The following EDNRA variants were observed in gnomAD, a reference collection of about 807,000 sequenced individuals.
The protein encoded by EDNRA is endothelin-1 receptor.
In EDNRA, 11 loss-of-function variants were observed where a neutral mutation model predicts 41.4. The observed-to-expected ratio is 0.27, with a 90% confidence interval of 0.17 to 0.44. The LOEUF is 0.44. Among genes scored for constraint, EDNRA ranks in the 20% least tolerant of loss-of-function variants. The pLI is 1.00. For synonymous variants in EDNRA, 172 were observed against 183.0 expected (o/e 0.94, Z 0.49); for missense variants, 294 against 531.0 (o/e 0.55, Z 4.39).
intron 7 of EDNRA, among the ~76,000 whole-genome samples, chr4:147,541,067 C>CA (rs10551607): frequency 0.011 from 515 of 46,040 alleles, 48 homozygotes; most frequent in East Asian, 0.055. Context: ...GACTCAGTCT[C>CA]AAAAAAAAAA....
chr4:147,521,690 C>A (rs1014282078), intron 3 of EDNRA, among the ~76,000 whole-genome samples: 2 of 152,146 alleles, frequency 1.3e-5, no homozygotes, highest in African/African-American at 4.8e-5. Flanking sequence ...TTCCTGTATT[C>A]ATCAAGCTGC....
chr4:147,535,553 T>G (rs539425976), intron 4 of EDNRA, among the ~76,000 whole-genome samples: 2 of 152,344 alleles, frequency 1.3e-5, no homozygotes, highest in East Asian at 3.9e-4. Context: ...TTTATGAGCT[T>G]TAGAAGGACA....
chr4:147,504,943 G>A (rs1484272714), intron 2 of EDNRA, among the ~76,000 whole-genome samples: 1 of 98,940 alleles, frequency 1.0e-5, no homozygotes, highest in African/African-American at 5.1e-5. Flanking sequence ...GGGCAACAAA[G>A]TGGGACCCTG....
chr4:147,526,012 C>T (rs1730528693), intron 3 of EDNRA, among the ~76,000 whole-genome samples: 1 of 152,254 alleles, frequency 6.6e-6, no homozygotes, highest in East Asian at 1.9e-4. Flanking sequence ...TCCTTATTTT[C>T]CTGGTGTTAT....
At chr4:147,536,058 G>A in intron 5 of EDNRA, 29 bp downstream of exon 5, 2 of 1,613,004 alleles carry the variant, frequency 1.2e-6, no homozygotes, top group Non-Finnish European at 1.7e-6. Context: ...TGAAAATCTG[G>A]CCAGGACTGG....
At chr4:147,502,832 G>A (rs1729560860) in intron 2 of EDNRA, among the ~76,000 whole-genome samples, 1 of 143,402 alleles carries the variant, frequency 7.0e-6, no homozygotes, top group African/African-American at 2.8e-5. Context: ...AGAATGGGAG[G>A]TATCTCTTCA....
intron 2 of EDNRA, among the ~76,000 whole-genome samples, chr4:147,505,327 A>ATTTTTTTTTTTTTTTTTTTTT (rs869077171): frequency 1.1e-4 from 9 of 79,696 alleles, no homozygotes; most frequent in African/African-American, 1.6e-4. Context: ...TTCTTTTTTC[A>ATTTTTTTTTTTTTTTTTTTTT]TTTTTTTTTT....
intron 2 of EDNRA, among the ~76,000 whole-genome samples, chr4:147,513,071 A>G (rs1017387161): frequency 6.6e-6 from 1 of 152,200 alleles, no homozygotes; most frequent in Non-Finnish European, 1.5e-5. Flanking sequence ...GAGCATGCCA[A>G]TGTCAAAAGA....
Position 147,486,347 on chromosome 4 carries a change from T to C in EDNRA, c.420+246T>C, listed in dbSNP as rs529731322. Among the ~76,000 whole-genome samples the C allele has an allele frequency of 6.6e-6, 1 of 152,334 alleles. No individual in the cohort carries two copies. Among genetic ancestry groups the C allele is most frequent in the East Asian group, 1.9e-4 (1 of 5,180 alleles). On this transcript the variant is annotated intron_variant, in intron 2 of 7. Transcript: ENST00000651419. This position sits in a 1 kb window ranked among gnomAD's most constrained non-coding sequence, Gnocchi z 4.3. ...GGATGATGGTTCAAAATCATGGTGT[T>C]TCATGACTTGGATTCTCATGCCACC...
chr4:147,533,408 C>G (rs1394570038), intron 4 of EDNRA, among the ~76,000 whole-genome samples: 1 of 152,042 alleles, frequency 6.6e-6, no homozygotes, highest in Non-Finnish European at 1.5e-5. Context: ...TACATGTGGA[C>G]TGAGGAGGAA....
intron 1 of EDNRA, among the ~76,000 whole-genome samples, chr4:147,482,423 A>G (rs1165485986): frequency 6.6e-6 from 1 of 152,182 alleles, no homozygotes; most frequent in Non-Finnish European, 1.5e-5. Context: ...TCTATAGACC[A>G]TGTCCTTCAG....
Position 147,486,901 on chromosome 4 carries a change from TA to T in EDNRA, c.420+816del, listed in dbSNP as rs10570878. On this transcript the variant is annotated intron_variant, in intron 2 of 7. Transcript: ENST00000651419. This position sits in a 1 kb window ranked among gnomAD's most constrained non-coding sequence, Gnocchi z 4.3. ...TATTAGGCCATTTCTACATTGCTAT[TA>T]AAAAAAAAAAAAAAAGGCTGGGTAA... Among the ~76,000 whole-genome samples the T allele has an allele frequency of 0.09, 12,527 of 139,600 alleles. 1,430 individuals carry two copies. Among genetic ancestry groups the T allele is most frequent in the African/African-American group, 0.27 (10,486 of 39,162 alleles). The allele number at this position is 139,600 out of a possible 152,430, so 91.6% of individuals were successfully genotyped here.
chr4:147,508,128 CTTTAT>C (rs143109512), intron 2 of EDNRA, among the ~76,000 whole-genome samples: 2,607 of 151,946 alleles, frequency 0.017, 64 homozygotes, highest in African/African-American at 0.059. Context: ...AGCAAAAATT[CTTTAT>C]TTTATTTATT....
chr4:147,495,548 A>T (rs1729274692), intron 2 of EDNRA: 1 of 152,238 alleles, frequency 6.6e-6, no homozygotes, highest in Admixed American at 6.5e-5. Flanking sequence ...CATGTCAGTG[A>T]GGTCAACTGA....
intron 7 of EDNRA, among the ~76,000 whole-genome samples, chr4:147,541,036 C>CCAGCCTGGG (rs1731083485): frequency 7.3e-6 from 1 of 136,764 alleles, no homozygotes; most frequent in African/African-American, 2.9e-5. Flanking sequence ...CCACTGCACT[C>CCAGCCTGGG]CAGCCTGGGC....
At position 147,481,520 on chromosome 4, in the gene EDNRA, C is replaced by G. The variant is rs1456668564; in HGVS notation, c.-71+144C>G. ...GCCCTGCAGCTTGGGCGACCCGTCG[C>G]AGCAGGGGCTGGCACCCACTTGCCC... is the stretch of plus-strand genomic sequence containing the variant. On this transcript the variant is annotated intron_variant, in intron 1 of 7. Coordinates refer to ENST00000651419, the MANE Select transcript of EDNRA (RefSeq NM_001957.4). 2.0e-5 allele frequency: 3 copies of G among 152,436 alleles called. No homozygotes were observed. In the East Asian group the frequency reaches 5.8e-4, roughly 29 times the overall value. 9.4% of individuals were successfully genotyped at this position (152,436 alleles called of 1,614,324 possible). A position where few individuals can be genotyped will look rare whatever the true frequency, so the allele number is the denominator to read the frequency against.
At chr4:147,521,588 A>G (rs1185305648) in intron 3 of EDNRA, among the ~76,000 whole-genome samples, 2 of 152,168 alleles carry the variant, frequency 1.3e-5, no homozygotes, top group Non-Finnish European at 2.9e-5. Context: ...CAGCATCCCA[A>G]TATCATTTCT....
intron 3 of EDNRA, among the ~76,000 whole-genome samples, chr4:147,532,017 CAAAA>C (rs35034877): frequency 8.8e-6 from 1 of 113,604 alleles, no homozygotes. Context: ...GACTCAGTCT[CAAAA>C]AAAAAAAAAG....
At chr4:147,509,418 G>A (rs1330461363) in intron 2 of EDNRA, among the ~76,000 whole-genome samples, 1 of 152,200 alleles carries the variant, frequency 6.6e-6, no homozygotes, top group Admixed American at 6.5e-5. Flanking sequence ...AGACCTCAAG[G>A]AAGGTTCCCA....
Sources: gnomAD v4.1 joint callset for allele counts (sites outside exome capture counted in the v4.1 genomes callset) on GRCh38, gnomAD v4.1.1 for gene constraint, Gnocchi (gnomAD v3.1) non-coding constraint, MANE v1.5 for transcripts, NCBI Gene and HGNC (gene_info 2026-07-23, HGNC 2026-07-21) for gene names.